The following FHIT variants were observed in gnomAD, a reference collection of about 807,000 sequenced individuals.
FHIT encodes the protein bis(5'-adenosyl)-triphosphatase.
A neutral mutation model predicts 17.9 loss-of-function variants in FHIT; 19 were observed. The observed-to-expected ratio is 1.06, with a 90% confidence interval of 0.74 to 1.56. The LOEUF (loss-of-function observed/expected upper bound fraction) is 1.56. FHIT is among the 40% of genes most tolerant of loss of function. The probability of loss-of-function intolerance (pLI) is 0.00; values close to 1 mark genes in which losing one functional copy is unlikely to be tolerated. For synonymous variants in FHIT, 81 were observed against 69.7 expected (o/e 1.16, Z -0.81); for missense variants, 248 against 189.2 (o/e 1.31, Z -1.82).
At position 59,772,886 on chromosome 3, in the gene FHIT, T is replaced by C. The variant is rs142002976; in HGVS notation, c.349-20565A>G. 6.4e-4 allele frequency among the ~76,000 whole-genome samples: 98 copies of C among 152,266 alleles called. No individual in the cohort carries two copies. The East Asian group carries it at 0.017, about 27-fold the overall frequency. ...AAGCAGCAGCCTCATGTAGGAAGTG[T>C]AGGGCCAGGGCCCCCTCTCAAAGCT... is the stretch of plus-strand genomic sequence containing the variant. On this transcript the variant is annotated intron_variant, in intron 8 of 9. Coordinates refer to ENST00000492590, the MANE Select transcript of FHIT (RefSeq NM_002012.4).
At chr3:61,044,545 T>C (rs949601878) in intron 2 of FHIT, among the ~76,000 whole-genome samples, 3 of 152,028 alleles carry the variant, frequency 2.0e-5, no homozygotes, top group Non-Finnish European at 4.4e-5. Context: ...TGGAACCAAG[T>C]TGGAAAACAC....
intron 4 of FHIT, among the ~76,000 whole-genome samples, chr3:60,614,882 T>G: frequency 7.3e-6 from 1 of 137,576 alleles, no homozygotes. Flanking sequence ...CAGACTGGAG[T>G]GCAGTGGCAT....
At chr3:61,060,820 G>A (rs1204008756) in intron 2 of FHIT, among the ~76,000 whole-genome samples, 1 of 152,194 alleles carries the variant, frequency 6.6e-6, no homozygotes, top group African/African-American at 2.4e-5. Flanking sequence ...CTTACAGCCT[G>A]GCTGGCTTTT....
intron 3 of FHIT, among the ~76,000 whole-genome samples, chr3:61,035,472 T>C (rs1042743103): frequency 3.9e-5 from 6 of 152,214 alleles, no homozygotes; most frequent in Non-Finnish European, 7.3e-5. Flanking sequence ...TTACTTTGCA[T>C]ATATCCCTCT....
intron 5 of FHIT, among the ~76,000 whole-genome samples, chr3:60,187,855 C>T (rs1214952445): frequency 9.9e-5 from 15 of 152,132 alleles, no homozygotes; most frequent in Admixed American, 9.2e-4. Context: ...AGCTGGTAAT[C>T]ACTCCTCTGT....
chr3:61,123,682 T>C (rs766601073), intron 2 of FHIT, among the ~76,000 whole-genome samples: 1 of 152,124 alleles, frequency 6.6e-6, no homozygotes. Context: ...CACATTATGC[T>C]TGCTCTGTTA....
At chr3:59,825,301 G>C (rs144542509) in intron 8 of FHIT, among the ~76,000 whole-genome samples, 1 of 152,046 alleles carries the variant, frequency 6.6e-6, no homozygotes, top group African/African-American at 2.4e-5. Flanking sequence ...TTTTCTTTTC[G>C]AGTATGCTTT....
At chr3:60,441,758 A>T (rs1270969549) in intron 5 of FHIT, among the ~76,000 whole-genome samples, 314 of 22,592 alleles carry the variant, frequency 0.014, 13 homozygotes, top group Middle Eastern at 0.062. Context: ...ATATATAAAA[A>T]TATATATATA....
At chr3:59,751,932 T>C (rs933454540) in intron 9 of FHIT, 7 of 342,192 alleles carry the variant, frequency 2.0e-5, no homozygotes, top group Admixed American at 1.9e-4. Context: ...TTTGTGAACA[T>C]TGGATTCTGG....
intron 2 of FHIT, among the ~76,000 whole-genome samples, chr3:61,059,528 C>G (rs2034351970): frequency 6.6e-6 from 1 of 151,952 alleles, no homozygotes; most frequent in African/African-American, 2.4e-5. Context: ...CTTAAATTAC[C>G]TCATCTGAGC....
In FHIT at chr3:60,415,613, A is replaced by G. The variant is rs377129586; in HGVS notation, c.103+121247T>C. ...ACAACCAAGTATATGAATCAATAAG[A>G]GAATCCCTAACTTAAAGTCTTGTCC... On this transcript the variant is annotated intron_variant, in intron 5 of 9. Transcript: ENST00000492590. Among the ~76,000 whole-genome samples, 44 of 152,230 alleles carry G rather than the reference A, an allele frequency of 2.9e-4. No homozygotes were observed. The East Asian group carries it at 3.9e-3, about 13-fold the overall frequency.
chr3:59,808,885 C>G (rs533350824), intron 8 of FHIT, among the ~76,000 whole-genome samples: 2 of 152,202 alleles, frequency 1.3e-5, no homozygotes, highest in African/African-American at 4.8e-5. Context: ...ACACCAAAAA[C>G]TCTCCGACAG....
At chr3:61,193,621 T>G (rs1447512787) in intron 2 of FHIT, among the ~76,000 whole-genome samples, 1 of 152,216 alleles carries the variant, frequency 6.6e-6, no homozygotes, top group Non-Finnish European at 1.5e-5. Context: ...AGTAACCAGT[T>G]ATGCATGTAT....
intron 4 of FHIT, among the ~76,000 whole-genome samples, chr3:60,767,073 T>C (rs1553721663): frequency 6.6e-6 from 1 of 152,234 alleles, no homozygotes; most frequent in African/African-American, 2.4e-5. Context: ...CCATTTGGCT[T>C]GCAAAACTTA....
chr3:61,207,150 T>A (rs2039266933), intron 1 of FHIT, among the ~76,000 whole-genome samples: 1 of 152,234 alleles, frequency 6.6e-6, no homozygotes, highest in African/African-American at 2.4e-5. Context: ...CAACCAGCCT[T>A]GCATCCCAGG....
chr3:60,823,694 G>A (rs1343903738), intron 3 of FHIT, among the ~76,000 whole-genome samples: 10 of 152,110 alleles, frequency 6.6e-5, no homozygotes, highest in South Asian at 2.1e-4. Context: ...AATAAATTTC[G>A]GTTGTTTTAA....
At chr3:60,569,757 T>TATATATATATATATATATATA (rs1449802542) in intron 4 of FHIT, among the ~76,000 whole-genome samples, 2 of 21,702 alleles carry the variant, frequency 9.2e-5, no homozygotes, top group Admixed American at 7.4e-4. Flanking sequence ...ATATATATAT[T>TATATATATATATATATATATA]TTTTTTTTTT....
rs1254817208 is a variant in FHIT, at chr3:61,244,643, G to C, written c.-213+6658C>G. On this transcript the variant is annotated intron_variant, in intron 1 of 9. Transcript: ENST00000492590. ...TGGCCTTCTCCTGAAGCAGGTCTAA[G>C]ACCCTCCTGTGAAAGGTTTCTCACT... Among the ~76,000 whole-genome samples, 3 of 152,142 alleles carry C rather than the reference G, an allele frequency of 2.0e-5. No individual in the cohort carries two copies. In the East Asian group the frequency reaches 5.8e-4, roughly 29 times the overall value.
chr3:60,301,194 A>C (rs1212331010), intron 5 of FHIT, among the ~76,000 whole-genome samples: 1 of 152,140 alleles, frequency 6.6e-6, no homozygotes, highest in Non-Finnish European at 1.5e-5. Context: ...TTTATAGTCA[A>C]CAAGTAAATA....
Sources: gnomAD v4.1 joint callset for allele counts (sites outside exome capture counted in the v4.1 genomes callset) on GRCh38, gnomAD v4.1.1 for gene constraint, MANE v1.5 for transcripts, NCBI Gene and HGNC (gene_info 2026-07-23, HGNC 2026-07-21) for gene names.